The following PJA2 variants were observed in gnomAD, a reference collection of about 807,000 sequenced individuals.
PJA2 encodes E3 ubiquitin-protein ligase Praja-2.
PJA2 carries 25 observed loss-of-function variants against 69.3 expected under a neutral mutation model. The observed-to-expected ratio is 0.36, with a 90% CI of 0.26 to 0.50. PJA2 has a LOEUF of 0.50. Among genes scored for constraint, PJA2 ranks in the 20% least tolerant of loss-of-function variants. PJA2 has a pLI of 0.96. For synonymous variants in PJA2, 308 were observed against 277.8 expected, an observed-to-expected ratio of 1.11 and a Z score of -1.08; for missense variants, 809 against 830.2, an observed-to-expected ratio of 0.97 and a Z score of 0.31.
At chr5:109,382,153 CATTT>C (rs1225785230) in intron 2 of PJA2, among the ~76,000 whole-genome samples, 1 of 151,932 alleles carries the variant, frequency 6.6e-6, no homozygotes, top group East Asian at 1.9e-4. Flanking sequence ...AGAATGAAAA[CATTT>C]ATGTCAAAGA....
chr5:109,360,491 A>G (rs1189392598), intron 6 of PJA2, among the ~76,000 whole-genome samples: 1 of 152,194 alleles, frequency 6.6e-6, no homozygotes, highest in Admixed American at 6.5e-5. Context: ...GTTTGACTTT[A>G]GAGACAAGAA....
rs992310522 is a variant in PJA2, at chr5:109,383,348, G to C, written c.31+55C>G. 3.9e-6 allele frequency: 6 copies of C among 1,534,486 alleles called. No homozygotes were observed. The African/African-American group carries it at 6.8e-5, about 17-fold the overall frequency. On this transcript the variant is annotated intron_variant, in intron 2 of 9. Transcript: ENST00000361189. ...CATATGTCACTTACTGGTACTCAAG[G>C]TACCCAGAGGAAAAAACAAGAAGTA...
intron 7 of PJA2, among the ~76,000 whole-genome samples, chr5:109,353,114 T>A (rs1480410494): frequency 7.0e-6 from 1 of 143,580 alleles, no homozygotes; most frequent in Non-Finnish European, 1.5e-5. Context: ...TACCTATATC[T>A]ATAGACATCT....
chr5:109,409,381 G>GT (rs1454600642), intron 1 of PJA2: 1 of 152,566 alleles, frequency 6.6e-6, no homozygotes, highest in Non-Finnish European at 1.5e-5. Context: ...GGCCTGTGGC[G>GT]TAAGATGGTT....
chr5:109,378,526 G>A lies in PJA2; in HGVS notation c.961C>T (p.Leu321=). The change falls in exon 4 of 10, where the codon CTG becomes TTG. Residue 321 remains leucine (L), a synonymous_variant. Coordinates refer to ENST00000361189, the MANE Select transcript of PJA2 (RefSeq NM_014819.5). ...TGGTCCACCTGGCTTGAACTTATCA[G>A]TTTTCTAACTTTTGGCCTCACTACC... is the stretch of plus-strand genomic sequence containing the variant. ...EQVVRPKVRK[L]ISSSQVDQET... 1 of 1,614,132 alleles carries A rather than the reference G, an allele frequency of 6.2e-7. No individual in the cohort carries two copies.
At chr5:109,383,294 C>T (rs1490892759) in intron 2 of PJA2, 109 bp downstream of exon 2, 6 of 891,630 alleles carry the variant, frequency 6.7e-6, no homozygotes, top group Non-Finnish European at 1.0e-5. Context: ...TCAAAACCAG[C>T]CTTTTAGTAA....
At position 109,378,930 on chromosome 5, in the gene PJA2, T is replaced by A. The variant is rs373587386; in HGVS notation, c.557A>T (p.Glu186Val). The A allele has an allele frequency of 1.4e-5, 23 of 1,614,056 alleles. No individual in the cohort carries two copies. Among genetic ancestry groups the A allele is most frequent in the Admixed American group, 3.3e-5 (2 of 60,004 alleles). ...CTGGTATCTACTACCTTCCACGACT[T>A]CTGCAGAAAGTTGAAGATGGTCATT... ...EDNDHLQLSA[E>V]VVEGSRYQES... Residue 186 changes from glutamate to valine, a missense_variant, in exon 4 of 10, where the codon GAA becomes GTA. Glu to Val is a moderately radical substitution (Grantham distance 121). Transcript: ENST00000361189.
intron 9 of PJA2, among the ~76,000 whole-genome samples, chr5:109,342,754 C>T (rs1310960018): frequency 5.0e-3 from 619 of 124,040 alleles, no homozygotes; most frequent in Non-Finnish European, 8.0e-3. Flanking sequence ...AGGTGAGGGG[C>T]GCCTCTGCCC....
intron 9 of PJA2, among the ~76,000 whole-genome samples, chr5:109,343,273 CAA>C (rs869033444): frequency 5.2e-4 from 10 of 19,394 alleles, no homozygotes; most frequent in African/African-American, 1.0e-3. Flanking sequence ...AAGGGCGGTG[CAA>C]AAAAAAAAAA....
At position 109,381,559 on chromosome 5, in the gene PJA2, G is replaced by A. The variant is rs1747048504; in HGVS notation, c.176C>T (p.Ala59Val). 1 of 1,613,898 alleles carries A rather than the reference G, an allele frequency of 6.2e-7. No individual in the cohort carries two copies. Among genetic ancestry groups the A allele is most frequent in the Non-Finnish European group, 8.5e-7 (1 of 1,179,972 alleles). ...TTCCAACACTTCATAGTCATCACCA[G>A]CCCGACCTAAGCTTCTTTCATGTCT... ...MTRHERSLGR[A>V]GDDYEVLELD... The change falls in exon 3 of 10, where the codon GCT becomes GTT. Residue 59 changes from alanine to valine, a missense_variant. Around this residue, in one of 4 missense-constraint regions of PJA2, gnomAD observed 700 missense variants for 639.5 expected, o/e 1.09. Coordinates refer to ENST00000361189, the MANE Select transcript of PJA2 (RefSeq NM_014819.5).
chr5:109,349,870 T>A (rs950556189), intron 7 of PJA2, among the ~76,000 whole-genome samples: 2 of 152,170 alleles, frequency 1.3e-5, no homozygotes, highest in African/African-American at 4.8e-5. Context: ...AACTTTCCCA[T>A]TGCAAGATAG....
At chr5:109,384,305 T>C (rs1239858251) in intron 1 of PJA2, among the ~76,000 whole-genome samples, 1 of 152,222 alleles carries the variant, frequency 6.6e-6, no homozygotes, top group African/African-American at 2.4e-5. Flanking sequence ...TGTGTGTAAA[T>C]AATGATGTAT....
intron 7 of PJA2, among the ~76,000 whole-genome samples, chr5:109,350,731 C>T (rs1324209171): frequency 6.6e-6 from 1 of 152,194 alleles, no homozygotes; most frequent in East Asian, 1.9e-4. Flanking sequence ...CAAGGTCACA[C>T]AGCCAAACTC....
rs1196563275 is a variant in PJA2, at chr5:109,340,785, C to T, written c.2001+3405G>A. 3.7e-4 allele frequency among the ~76,000 whole-genome samples: 38 copies of T among 104,104 alleles called. 2 individuals are homozygous for T. The highest frequency in any genetic ancestry group is 1.4e-3 in the South Asian group (4 of 2,782). 68.3% of individuals were successfully genotyped at this position (104,104 alleles called of 152,430 possible). On this transcript the variant is annotated intron_variant, in intron 9 of 9. Transcript: ENST00000361189. ...CCTGCCTCAGCCTGCCCAGTGCCTG[C>T]GATTGCAGGCTCGCGCCGCCACACC...
intron 5 of PJA2, among the ~76,000 whole-genome samples, chr5:109,365,073 C>T (rs114726473): frequency 0.025 from 3,863 of 152,172 alleles, 60 homozygotes; most frequent in Non-Finnish European, 0.038. Flanking sequence ...GTAGAGAAAC[C>T]CGGCAAAAGC....
chr5:109,354,965 A>T (rs1357145241), intron 7 of PJA2, among the ~76,000 whole-genome samples: 1 of 151,694 alleles, frequency 6.6e-6, no homozygotes, highest in Non-Finnish European at 1.5e-5. Context: ...AAAACCCCAC[A>T]AAAAACCAAA....
chr5:109,404,154 A>G (rs1358941765), intron 1 of PJA2, among the ~76,000 whole-genome samples: 1 of 152,150 alleles, frequency 6.6e-6, no homozygotes, highest in Non-Finnish European at 1.5e-5. Context: ...ATATGATAAA[A>G]GGCCACTTGT....
chr5:109,377,400 T>C (rs1746917008), intron 4 of PJA2, among the ~76,000 whole-genome samples: 1 of 152,082 alleles, frequency 6.6e-6, no homozygotes, highest in Non-Finnish European at 1.5e-5. Context: ...ACTGGGGTAA[T>C]GGAAATTCAG....
At chr5:109,372,916 A>C (rs900791789) in intron 4 of PJA2, among the ~76,000 whole-genome samples, 2 of 138,520 alleles carry the variant, frequency 1.4e-5, no homozygotes, top group African/African-American at 5.3e-5. Context: ...AAAAAAAAAA[A>C]AAAAAAAAAA....
Sources: gnomAD v4.1 joint callset for allele counts (sites outside exome capture counted in the v4.1 genomes callset) on GRCh38, gnomAD v4.1.1 for gene constraint, gnomAD v4.1.1 regional missense constraint, MANE v1.5 for transcripts, NCBI Gene and HGNC (gene_info 2026-07-23, HGNC 2026-07-21) for gene names.